Variants in PDGFC observed in about 807,000 individuals in gnomAD.
The protein encoded by PDGFC is platelet derived growth factor C, also known as platelet-derived growth factor C.
Under a neutral mutation model 35.5 loss-of-function variants are expected in PDGFC, and 12 were observed. The ratio of observed to expected loss-of-function variants is 0.34; its 90% CI spans 0.22 to 0.55. The LOEUF (loss-of-function observed/expected upper bound fraction) is 0.55. Among genes scored for constraint, PDGFC ranks in the 20% least tolerant of loss-of-function variants. PDGFC has a pLI of 0.91. For missense variants in PDGFC, 322 were observed against 412.4 expected (o/e 0.78, Z 1.90); for synonymous variants, 159 against 148.8 (o/e 1.07, Z -0.50).
At chr4:156,926,639 A>G (rs1731421144) in intron 1 of PDGFC, among the ~76,000 whole-genome samples, 1 of 152,212 alleles carries the variant, frequency 6.6e-6, no homozygotes, top group Non-Finnish European at 1.5e-5. Flanking sequence ...CTTTGACTCC[A>G]TGTCTCACAT....
chr4:156,839,210 C>A (rs1175937845), intron 2 of PDGFC, among the ~76,000 whole-genome samples: 1 of 152,174 alleles, frequency 6.6e-6, no homozygotes, highest in Non-Finnish European at 1.5e-5. Flanking sequence ...AGACATGTTC[C>A]AAGACTCTTT....
At chr4:156,961,936 C>A (rs1228785558) in intron 1 of PDGFC, among the ~76,000 whole-genome samples, 1 of 152,094 alleles carries the variant, frequency 6.6e-6, no homozygotes, top group Admixed American at 6.5e-5. Flanking sequence ...GCGCAGCCTG[C>A]CCTTCTAACC....
intron 1 of PDGFC, among the ~76,000 whole-genome samples, chr4:156,942,752 TAAC>T (rs987748244): frequency 1.1e-4 from 17 of 149,134 alleles, no homozygotes; most frequent in Admixed American, 2.7e-4. Flanking sequence ...AATTATATTG[TAAC>T]AACATGTATA....
At chr4:156,809,981 A>T (rs1731886540) in intron 3 of PDGFC, among the ~76,000 whole-genome samples, 1 of 151,894 alleles carries the variant, frequency 6.6e-6, no homozygotes, top group Admixed American at 6.6e-5. Flanking sequence ...TCACTTTGTG[A>T]AAGTGTATCC....
intron 1 of PDGFC, among the ~76,000 whole-genome samples, chr4:156,895,706 G>GA (rs1426889469): frequency 7.3e-5 from 11 of 151,456 alleles, no homozygotes; most frequent in African/African-American, 9.7e-5. Flanking sequence ...TCAAAGAGAT[G>GA]AAAAAATCTA....
In PDGFC at chr4:156,964,562, G is replaced by A. The variant is rs576980901; in HGVS notation, c.118+6224C>T. ...CCTTACTGTTCCCGTAAATATTTCCGAAGCAACAGATTCTTACCTCATCTC... is the reference window on the plus strand; with the variant it reads ...CCTTACTGTTCCCGTAAATATTTCCAAAGCAACAGATTCTTACCTCATCTC... On this transcript the variant is annotated intron_variant, in intron 1 of 5. Coordinates refer to ENST00000502773, the MANE Select transcript of PDGFC (RefSeq NM_016205.3). Among the ~76,000 whole-genome samples, 12 of 151,470 alleles carry A rather than the reference G, an allele frequency of 7.9e-5. No homozygotes were observed. In the South Asian group the frequency reaches 1.7e-3, roughly 21 times the overall value.
intron 3 of PDGFC, among the ~76,000 whole-genome samples, chr4:156,796,912 TGCTAC>T (rs1731458220): frequency 6.6e-6 from 1 of 152,112 alleles, no homozygotes. Context: ...AGTCACAATT[TGCTAC>T]AACCTTGCAA....
chr4:156,882,211 A>G (rs1730261226), intron 1 of PDGFC, among the ~76,000 whole-genome samples: 1 of 152,132 alleles, frequency 6.6e-6, no homozygotes, highest in Non-Finnish European at 1.5e-5. Flanking sequence ...TAAGTTGAAA[A>G]TTGAGTCCAC....
intron 1 of PDGFC, among the ~76,000 whole-genome samples, chr4:156,903,114 T>TGTGTGA (rs1417303972): frequency 4.3e-5 from 6 of 138,060 alleles, no homozygotes; most frequent in African/African-American, 1.6e-4. Context: ...AGTGTGTGTG[T>TGTGTGA]GTGTGTGTGT....
chr4:156,944,573 T>C (rs930644010), intron 1 of PDGFC, among the ~76,000 whole-genome samples: 8 of 152,088 alleles, frequency 5.3e-5, no homozygotes, highest in Non-Finnish European at 8.8e-5. Flanking sequence ...AATTAACAAG[T>C]AGCTTGAAGA....
intron 2 of PDGFC, among the ~76,000 whole-genome samples, chr4:156,832,622 C>T (rs542690631): frequency 6.6e-6 from 1 of 152,096 alleles, no homozygotes; most frequent in Non-Finnish European, 1.5e-5. Flanking sequence ...CATCAATGGC[C>T]GTTATTTTCT....
intron 1 of PDGFC, among the ~76,000 whole-genome samples, chr4:156,923,425 A>G (rs1429686078): frequency 1.3e-5 from 2 of 152,240 alleles, no homozygotes; most frequent in Non-Finnish European, 2.9e-5. Context: ...ATTCAATTGT[A>G]TTCAATGAAT....
chr4:156,817,753 T>C (rs1207989484), intron 2 of PDGFC, among the ~76,000 whole-genome samples: 1 of 152,098 alleles, frequency 6.6e-6, no homozygotes, highest in Non-Finnish European at 1.5e-5. Context: ...ATCCTCCCCA[T>C]TAAATTTTAA....
chr4:156,925,343 C>A (rs1731382381), intron 1 of PDGFC, among the ~76,000 whole-genome samples: 1 of 151,920 alleles, frequency 6.6e-6, no homozygotes, highest in African/African-American at 2.4e-5. Flanking sequence ...TGGAAGCAAA[C>A]AATTCAGGAT....
chr4:156,924,036 A>C lies in PDGFC; in HGVS notation c.118+46750T>G, dbSNP rs77459941. Among the ~76,000 whole-genome samples the C allele has an allele frequency of 0.016, 2,482 of 152,272 alleles. 158 individuals carry two copies. The East Asian group carries it at 0.19, about 11-fold the overall frequency. ...CCTCTTCTAACAAGCTACATCAGTT[A>C]AAATATTATTCTTTATTCATTTAAA... On this transcript the variant is annotated intron_variant, in intron 1 of 5. Transcript: ENST00000502773.
At chr4:156,825,564 A>G (rs1327954158) in intron 2 of PDGFC, among the ~76,000 whole-genome samples, 2 of 74,826 alleles carry the variant, frequency 2.7e-5, no homozygotes, top group African/African-American at 1.3e-4. Flanking sequence ...TAATAATAAT[A>G]ATAATAATAA....
At chr4:156,966,500 T>C (rs139447869) in intron 1 of PDGFC, among the ~76,000 whole-genome samples, 283 of 152,204 alleles carry the variant, frequency 1.9e-3, no homozygotes, top group Middle Eastern at 6.8e-3. Flanking sequence ...TATTACTTAT[T>C]CAACATATCA....
intron 1 of PDGFC, among the ~76,000 whole-genome samples, chr4:156,864,205 T>C (rs574257623): frequency 1.3e-5 from 2 of 152,094 alleles, no homozygotes; most frequent in African/African-American, 2.4e-5. Context: ...AATGTAAGGG[T>C]TGGTTTCTGA....
intron 3 of PDGFC, among the ~76,000 whole-genome samples, chr4:156,777,863 G>A (rs1188663762): frequency 1.3e-5 from 2 of 152,116 alleles, no homozygotes; most frequent in South Asian, 2.1e-4. Context: ...AGCACTTCCC[G>A]AAGCCAAGGC....
Sources: allele counts gnomAD v4.1 joint callset (sites outside exome capture counted in the v4.1 genomes callset), GRCh38; gene constraint gnomAD v4.1.1; transcripts MANE v1.5; gene names NCBI Gene and HGNC (gene_info 2026-07-23, HGNC 2026-07-21).